The following ANKS1A variants were observed in gnomAD, a reference collection of about 807,000 sequenced individuals.
ANKS1A encodes the protein ankyrin repeat and SAM domain-containing protein 1A.
Under a neutral mutation model 120.3 loss-of-function variants are expected in ANKS1A, and 55 were observed. The ratio of observed to expected loss-of-function variants is 0.46; its 90% confidence interval spans 0.37 to 0.57. The LOEUF (loss-of-function observed/expected upper bound fraction) is 0.57. Ranked by LOEUF, ANKS1A falls within the 20% of genes least tolerant of loss-of-function variation. The pLI is 0.00. For synonymous variants in ANKS1A, 590 were observed against 604.7 expected (o/e 0.98, Z 0.36); for missense variants, 1,123 against 1,480.3 (o/e 0.76, Z 3.96).
At chr6:34,939,636 C>T (rs1024056804) in intron 1 of ANKS1A, among the ~76,000 whole-genome samples, 9 of 151,956 alleles carry the variant, frequency 5.9e-5, no homozygotes, top group African/African-American at 2.2e-4. Context: ...TTGCTTGAGC[C>T]CAGGAGTTCC....
rs1447161754 is a variant in ANKS1A, at chr6:34,954,189, A to G, written c.198-13050A>G. ...GGAATGACAATTTCACACTGTACTC[A>G]TTCATGTGCTGTTCACTATCCACCT... On this transcript the variant is annotated intron_variant, in intron 1 of 23. Coordinates refer to ENST00000360359, the MANE Select transcript of ANKS1A (RefSeq NM_015245.3). Among the ~76,000 whole-genome samples the G allele has an allele frequency of 2.0e-5, 3 of 152,158 alleles. 1 individual carries two copies. Among genetic ancestry groups the G allele is most frequent in the Non-Finnish European group, 4.4e-5 (3 of 68,026 alleles).
At chr6:34,890,816 C>G (rs1349909231) in intron 1 of ANKS1A, among the ~76,000 whole-genome samples, 1 of 152,162 alleles carries the variant, frequency 6.6e-6, no homozygotes, top group Non-Finnish European at 1.5e-5. Context: ...GAAATGCCTT[C>G]GTTAGCTTTT....
At chr6:34,937,077 G>A (rs1367861036) in intron 1 of ANKS1A, among the ~76,000 whole-genome samples, 3 of 152,038 alleles carry the variant, frequency 2.0e-5, no homozygotes, top group Non-Finnish European at 4.4e-5. Context: ...TATTAAACAG[G>A]TAAAATGCAA....
Position 35,054,291 on chromosome 6 carries a change from A to G in ANKS1A, c.2077+126A>G, listed in dbSNP as rs1291744215. ...GGAGAGGTCAGCTTCAGACCACGTC[A>G]TGCTCCTATAATTCAGTCTCCAATA... On this transcript the variant is annotated intron_variant, in intron 12 of 23. Coordinates refer to ENST00000360359, the MANE Select transcript of ANKS1A (RefSeq NM_015245.3). 5.0e-6 allele frequency: 4 copies of G among 801,766 alleles called. No homozygotes were observed. The African/African-American group carries it at 6.9e-5, about 14-fold the overall frequency. 49.7% of individuals were successfully genotyped at this position (801,766 alleles called of 1,614,324 possible). A position where few individuals can be genotyped will look rare whatever the true frequency, so the allele number is the denominator to read the frequency against.
intron 10 of ANKS1A, among the ~76,000 whole-genome samples, chr6:35,004,205 C>T (rs185044278): frequency 5.3e-5 from 8 of 152,216 alleles, no homozygotes; most frequent in Non-Finnish European, 7.4e-5. Flanking sequence ...TCAGGGAGCT[C>T]GGATTTTAAG....
Position 35,090,401 on chromosome 6 carries a change from G to A in ANKS1A, c.*1792G>A, listed in dbSNP as rs1347695773. 3 of 1,212,884 alleles carry A rather than the reference G, an allele frequency of 2.5e-6. No homozygotes were observed. In the African/African-American group the frequency reaches 4.7e-5, roughly 19 times the overall value. 75.1% of individuals were successfully genotyped at this position (1,212,884 alleles called of 1,614,324 possible). ...CCACATCCAAGTGGGCCTCTGTCGG[G>A]GGCGGGGCGGTAGGTCCGAAAGAAA... On this transcript the variant is annotated 3_prime_UTR_variant, in exon 24 of 24. Coordinates refer to ENST00000360359, the MANE Select transcript of ANKS1A (RefSeq NM_015245.3).
At chr6:35,003,880 A>G (rs1157875524) in intron 10 of ANKS1A, among the ~76,000 whole-genome samples, 1 of 152,178 alleles carries the variant, frequency 6.6e-6, no homozygotes, top group African/African-American at 2.4e-5. Flanking sequence ...CAGAAAAGGA[A>G]AGAGAAGCAA....
At chr6:34,963,058 C>T (rs889073377) in intron 1 of ANKS1A, among the ~76,000 whole-genome samples, 30 of 151,738 alleles carry the variant, frequency 2.0e-4, no homozygotes, top group African/African-American at 7.0e-4. Context: ...GGCGGGGTTT[C>T]GCCTTGTTGG....
At chr6:34,981,419 A>G (rs571115094) in intron 3 of ANKS1A, among the ~76,000 whole-genome samples, 2 of 152,152 alleles carry the variant, frequency 1.3e-5, no homozygotes, top group African/African-American at 2.4e-5. Flanking sequence ...TCTCCTTACA[A>G]CCTGGAGACC....
chr6:34,976,915 A>G (rs1368338506), intron 3 of ANKS1A, among the ~76,000 whole-genome samples: 3 of 152,284 alleles, frequency 2.0e-5, no homozygotes, highest in Non-Finnish European at 4.4e-5. Flanking sequence ...TAAATCTCCT[A>G]AGAACAAGGA....
Position 35,088,635 on chromosome 6 carries a change from C to G in ANKS1A, c.*26C>G. The G allele has an allele frequency of 1.2e-6, 2 of 1,614,218 alleles. No individual in the cohort carries two copies. Among genetic ancestry groups the G allele is most frequent in the Non-Finnish European group, 1.7e-6 (2 of 1,180,036 alleles). ...GCCACTGAGGAACCACACTGTGCTG[C>G]GGAAACATAGACGTGGGGGCATAGG... On this transcript the variant is annotated 3_prime_UTR_variant, in exon 24 of 24. Transcript: ENST00000360359.
intron 13 of ANKS1A, among the ~76,000 whole-genome samples, chr6:35,063,744 A>G (rs1776630113): frequency 6.6e-6 from 1 of 152,194 alleles, no homozygotes; most frequent in South Asian, 2.1e-4. Flanking sequence ...CAGAAAAGCA[A>G]ATAACGTAGG....
In ANKS1A at chr6:35,083,236, CTG is replaced by C. The variant is rs772422287; in HGVS notation, c.2907+15_2907+16del. ...CTGTGCCAAGATGCGGGTAGGGTGC[CTG>C]TGTGGGCTGGAGGGCGCTGTGGGAC... On this transcript the variant is annotated intron_variant, in intron 19 of 23. Transcript: ENST00000360359. 7 of 1,614,030 alleles carry C rather than the reference CTG, an allele frequency of 4.3e-6. No individual in the cohort carries two copies. The South Asian group carries it at 7.7e-5, about 18-fold the overall frequency.
intron 1 of ANKS1A, among the ~76,000 whole-genome samples, chr6:34,907,397 A>G (rs551564647): frequency 1.3e-5 from 2 of 152,322 alleles, no homozygotes; most frequent in South Asian, 2.1e-4. Context: ...ACCCCCATCT[A>G]TAACAAAATC....
At position 34,967,337 on chromosome 6, in the gene ANKS1A, A is replaced by G. The variant is rs1159488250; in HGVS notation, c.278+18A>G. On this transcript the variant is annotated intron_variant, in intron 2 of 23. Coordinates refer to ENST00000360359, the MANE Select transcript of ANKS1A (RefSeq NM_015245.3). ...GGCCATAAGTAAGTATCAATGTACT[A>G]CATTCCTGCCTTCACCCTTCAGAAC... The G allele has an allele frequency of 8.7e-6, 14 of 1,611,446 alleles. No individual in the cohort carries two copies. The Admixed American group carries it at 1.3e-4, about 15-fold the overall frequency.
rs375927922 is a variant in ANKS1A, at chr6:35,054,183, C to T, written c.2077+18C>T. ...GATCTCAGGTACCGTACTAAGTGGC[C>T]ATTTTCCCCACAGAAACTGGCAGTC... On this transcript the variant is annotated intron_variant, in intron 12 of 23. Coordinates refer to ENST00000360359, the MANE Select transcript of ANKS1A (RefSeq NM_015245.3). 3.7e-6 allele frequency: 6 copies of T among 1,612,388 alleles called. No homozygotes were observed. In the African/African-American group the frequency reaches 5.3e-5, roughly 14 times the overall value.
At position 34,889,965 on chromosome 6, in the gene ANKS1A, A is replaced by G. The variant is rs914651588; in HGVS notation, c.197+366A>G. Among the ~76,000 whole-genome samples, 1 of 151,746 alleles carries G rather than the reference A, an allele frequency of 6.6e-6. No individual in the cohort carries two copies. The highest frequency in any genetic ancestry group is 2.4e-5 in the African/African-American group (1 of 41,230). On this transcript the variant is annotated intron_variant, in intron 1 of 23. Coordinates refer to ENST00000360359, the MANE Select transcript of ANKS1A (RefSeq NM_015245.3). This position sits in a 1 kb window ranked among gnomAD's most constrained non-coding sequence, Gnocchi z 5.5. ...TATATCTTATATATATATATATGAG[A>G]TCTCCCTCACCTCCTGCAGAAACTC...
downstream of ANKS1A, among the ~76,000 whole-genome samples, chr6:35,095,222 T>G (rs1339046345): frequency 6.7e-6 from 1 of 150,232 alleles, no homozygotes; most frequent in African/African-American, 2.4e-5. Context: ...AGCCTTCAGA[T>G]TCAAGAAGCC....
At chr6:34,894,151 C>G (rs1766960310) in intron 1 of ANKS1A, among the ~76,000 whole-genome samples, 1 of 152,158 alleles carries the variant, frequency 6.6e-6, no homozygotes, top group South Asian at 2.1e-4. Flanking sequence ...GGCATTCTAT[C>G]AAACTTCTTA....
Sources: gnomAD v4.1 joint callset for allele counts (sites outside exome capture counted in the v4.1 genomes callset) on GRCh38, gnomAD v4.1.1 for gene constraint, Gnocchi (gnomAD v3.1) non-coding constraint, MANE v1.5 for transcripts, NCBI Gene and HGNC (gene_info 2026-07-23, HGNC 2026-07-21) for gene names.